Variants in CCDC127 observed in about 807,000 individuals in gnomAD.
CCDC127 encodes coiled-coil domain-containing protein 127.
In CCDC127, 2 loss-of-function variants were observed where a neutral mutation model predicts 4.1. The ratio of observed to expected loss-of-function variants is 0.49; its 90% CI spans 0.20 to 1.53. CCDC127 has a LOEUF of 1.53. CCDC127 is among the 40% of genes most tolerant of loss of function. CCDC127 has a pLI of 0.23. For missense variants in CCDC127, 271 were observed against 322.9 expected (o/e 0.84, Z 1.23); for synonymous variants, 98 against 120.4 (o/e 0.81, Z 1.22).
chr5:208,520 G>A (rs1045781719), intron 2 of CCDC127, among the ~76,000 whole-genome samples: 8 of 152,246 alleles, frequency 5.3e-5, no homozygotes, highest in Admixed American at 1.3e-4. Flanking sequence ...ACCCACATGG[G>A]CAAAGGCTGG....
rs538673619 is a variant in CCDC127 at position 205,163 on chromosome 5, A to G, written c.*134T>C. 2.7e-4 allele frequency: 199 copies of G among 749,302 alleles called. 1 individual carries two copies. The East Asian group carries it at 4.4e-3, about 17-fold the overall frequency. The allele number at this position is 749,302 out of a possible 1,614,324, so 46.4% of individuals were successfully genotyped here. A position where few individuals can be genotyped will look rare whatever the true frequency, so the allele number is the denominator to read the frequency against. On this transcript the variant is annotated 3_prime_UTR_variant, in exon 3 of 3. Transcript: ENST00000296824. ...GCACTTCTGCTCAGACGGTGGCGGG[A>G]GTGGAGGTCGCTGCTGAAGGGTGAC... is the stretch of plus-strand genomic sequence containing the variant.
At chr5:208,957 G>A (rs1015151373) in intron 2 of CCDC127, among the ~76,000 whole-genome samples, 2 of 150,744 alleles carry the variant, frequency 1.3e-5, no homozygotes, top group African/African-American at 5.0e-5. Context: ...CATCTGACAA[G>A]GACTTCAGAG....
In CCDC127 at chr5:203,246, A is replaced by C. The variant is rs1734105795; in HGVS notation, c.*2051T>G. Reference sequence around the variant, plus strand: ...GAGATTCCCTCTCAAAAAAAATAAAAAATGAAAATAAAAGTGACTTTTTCT... The same window carrying C: ...GAGATTCCCTCTCAAAAAAAATAAACAATGAAAATAAAAGTGACTTTTTCT... On this transcript the variant is annotated 3_prime_UTR_variant, in exon 3 of 3. Coordinates refer to ENST00000296824, the MANE Select transcript of CCDC127 (RefSeq NM_145265.3). 1 of 152,030 alleles carries C rather than the reference A, an allele frequency of 6.6e-6. No homozygotes were observed. Among genetic ancestry groups the C allele is most frequent in the South Asian group, 2.1e-4 (1 of 4,826 alleles). The allele number at this position is 152,030 out of a possible 1,614,324, so 9.4% of individuals were successfully genotyped here.
At chr5:210,367 GGA>G (rs1163468834) in intron 2 of CCDC127, among the ~76,000 whole-genome samples, 1 of 152,126 alleles carries the variant, frequency 6.6e-6, no homozygotes, top group Non-Finnish European at 1.5e-5. Flanking sequence ...CTACAGACTG[GGA>G]GAGGATACTT....
intron 2 of CCDC127, among the ~76,000 whole-genome samples, chr5:210,305 A>C (rs1163930192): frequency 6.6e-6 from 1 of 152,222 alleles, no homozygotes; most frequent in Non-Finnish European, 1.5e-5. Context: ...CCTTCATCAA[A>C]ATTACAACTT....
Position 205,587 on chromosome 5 carries a change from C to T in CCDC127, c.493G>A (p.Val165Ile), listed in dbSNP as rs769960981. ...ARLLLKEFEA[V>I]LTERQNIYCS... ...TAGATATTCTGTCTTTCTGTGAGAA[C>T]AGCTTCAAATTCTTTCAGCAAAAGC... The change falls in exon 3 of 3, where the codon GTT becomes ATT. Residue 165 changes from valine (V) to isoleucine (I), a missense_variant. Val to Ile is a conservative substitution (Grantham distance 29). Coordinates refer to ENST00000296824, the MANE Select transcript of CCDC127 (RefSeq NM_145265.3). 73 of 1,614,138 alleles carry T rather than the reference C, an allele frequency of 4.5e-5. No homozygotes were observed. Among genetic ancestry groups the T allele is most frequent in the Non-Finnish European group, 6.1e-5 (72 of 1,180,060 alleles).
rs1346985593 is a variant in CCDC127, at chr5:201,049, C to A, written c.*4248G>T. 2.0e-5 allele frequency: 3 copies of A among 148,018 alleles called. No individual in the cohort carries two copies. Among genetic ancestry groups the A allele is most frequent in the African/African-American group, 7.5e-5 (3 of 39,812 alleles). The allele number at this position is 148,018 out of a possible 1,614,324, so 9.2% of individuals were successfully genotyped here. ...GTCTACACAGCAGGCTGCCCCCCAT[C>A]ACAGCCAGCCAGTGTCTACACAGCA... On this transcript the variant is annotated 3_prime_UTR_variant, in exon 3 of 3. Transcript: ENST00000296824.
In CCDC127 at chr5:200,008, C is replaced by T. The variant is rs1195502598; in HGVS notation, c.*5289G>A. 2 of 152,254 alleles carry T rather than the reference C, an allele frequency of 1.3e-5. No homozygotes were observed. The highest frequency in any genetic ancestry group is 1.3e-4 in the Admixed American group (2 of 15,280). The allele number at this position is 152,254 out of a possible 1,614,324, so 9.4% of individuals were successfully genotyped here. On this transcript the variant is annotated 3_prime_UTR_variant, in exon 3 of 3. Coordinates refer to ENST00000296824, the MANE Select transcript of CCDC127 (RefSeq NM_145265.3). ...CAGATTCCCAGGTGAGGGAGATCTG[C>T]TTTCCCCATGGGGTTGGGGCGGCCA...
rs1480973264 is a variant in CCDC127 at position 197,294 on chromosome 5, C to G, written c.*8003G>C. On this transcript the variant is annotated 3_prime_UTR_variant, in exon 3 of 3. Coordinates refer to ENST00000296824, the MANE Select transcript of CCDC127 (RefSeq NM_145265.3). ...GGCGAGCAGGAGACAGTGGACTTCT[C>G]TCTCTCAACTGCAAGAGGCTTTCGT... 6.6e-6 allele frequency: 1 copy of G among 152,200 alleles called. No individual in the cohort carries two copies. Among genetic ancestry groups the G allele is most frequent in the Non-Finnish European group, 1.5e-5 (1 of 68,050 alleles). 9.4% of individuals were successfully genotyped at this position (152,200 alleles called of 1,614,324 possible).
Position 200,602 on chromosome 5 carries a change from CT to C in CCDC127, c.*4694del, listed in dbSNP as rs1734057219. On this transcript the variant is annotated 3_prime_UTR_variant, in exon 3 of 3. Coordinates refer to ENST00000296824, the MANE Select transcript of CCDC127 (RefSeq NM_145265.3). The stretch of plus-strand genomic sequence containing the variant: ...TTCTGGTTCTTCTCTGACATCTAAC[CT>C]GTGTTCTCCATTCTTGACCTGAAGT... 6.6e-6 allele frequency: 1 copy of C among 152,320 alleles called. No individual in the cohort carries two copies. Among genetic ancestry groups the C allele is most frequent in the African/African-American group, 2.4e-5 (1 of 41,456 alleles). The allele number at this position is 152,320 out of a possible 1,614,324, so 9.4% of individuals were successfully genotyped here. A position where few individuals can be genotyped will look rare whatever the true frequency, so the allele number is the denominator to read the frequency against.
chr5:210,259 A>T (rs1734255033), intron 2 of CCDC127, among the ~76,000 whole-genome samples: 1 of 152,218 alleles, frequency 6.6e-6, no homozygotes, highest in Non-Finnish European at 1.5e-5. Context: ...TTTCCACAAA[A>T]AGCATGGTTC....
chr5:205,319 T>A lies in CCDC127; in HGVS notation c.761A>T (p.Glu254Val), dbSNP rs759839802. 1 of 1,610,940 alleles carries A rather than the reference T, an allele frequency of 6.2e-7. No individual in the cohort carries two copies. Among genetic ancestry groups the A allele is most frequent in the African/African-American group, 1.3e-5 (1 of 74,974 alleles). The stretch of plus-strand genomic sequence containing the variant: ...GTCTTACTTTTCTAGTATGGCTTCC[T>A]CTACTCTCTTAAACTTCTTCAGTTC... ...VVELKKFKRV[E>V]EAILEK is the part of the protein sequence containing the mutation. The change falls in exon 3 of 3, where the codon GAG (glutamate) becomes GTG (valine). Residue 254 changes from glutamate (E) to valine (V), a missense_variant. By Grantham distance (121) the Glu-to-Val change is moderately radical. Transcript: ENST00000296824.
At position 205,521 on chromosome 5, in the gene CCDC127, C is replaced by T; in HGVS notation, c.559G>A (p.Glu187Lys). ...FLPRSKRLEIEKSLLVRASVD... is the reference protein window; with the variant it reads ...FLPRSKRLEIKKSLLVRASVD... ...GACGCTCGCACCAGTAAGCTCTTCT[C>T]TATCTCCAGCCGCTTGCTGCGAGGA... Residue 187 changes from glutamate to lysine, a missense_variant, in exon 3 of 3, where the codon GAG becomes AAG. By Grantham distance (56) the Glu-to-Lys change is moderately conservative. This residue lies in a region of CCDC127 where 265 missense variants were observed against 270.9 expected (regional missense o/e 0.98). Coordinates refer to ENST00000296824, the MANE Select transcript of CCDC127 (RefSeq NM_145265.3). The T allele has an allele frequency of 6.2e-7, 1 of 1,613,988 alleles. No individual in the cohort carries two copies. Among genetic ancestry groups the T allele is most frequent in the African/African-American group, 1.3e-5 (1 of 75,060 alleles).
Position 197,357 on chromosome 5 carries a change from T to C in CCDC127, c.*7940A>G, listed in dbSNP as rs1317334029. 1 of 152,202 alleles carries C rather than the reference T, an allele frequency of 6.6e-6. No individual in the cohort carries two copies. The allele number at this position is 152,202 out of a possible 1,614,324, so 9.4% of individuals were successfully genotyped here. On this transcript the variant is annotated 3_prime_UTR_variant, in exon 3 of 3. Coordinates refer to ENST00000296824, the MANE Select transcript of CCDC127 (RefSeq NM_145265.3). ...CATGTCAGCACAGACCCTTTACGGGTGTCGGGCTGGGGGACGGTCAGGTCT... is the reference window on the plus strand; with the variant it reads ...CATGTCAGCACAGACCCTTTACGGGCGTCGGGCTGGGGGACGGTCAGGTCT...
At chr5:215,006 G>A (rs957131449) in intron 2 of CCDC127, 3 of 151,320 alleles carry the variant, frequency 2.0e-5, no homozygotes, top group Non-Finnish European at 4.4e-5. Flanking sequence ...CCAGCCTGGC[G>A]ACAGGGCAAG....
intron 2 of CCDC127, among the ~76,000 whole-genome samples, chr5:207,575 G>A (rs1734200103): frequency 6.6e-6 from 1 of 152,218 alleles, no homozygotes; most frequent in African/African-American, 2.4e-5. Flanking sequence ...AGGCAGGCGA[G>A]AGCATCGGAG....
rs1304739481 is a variant in CCDC127 at position 199,667 on chromosome 5, G to GC, written c.*5629dup. The GC allele has an allele frequency of 6.6e-6, 1 of 152,478 alleles. No individual in the cohort carries two copies. The highest frequency in any genetic ancestry group is 1.5e-5 in the Non-Finnish European group (1 of 68,302). 9.4% of individuals were successfully genotyped at this position (152,478 alleles called of 1,614,324 possible). ...GAGCTATGGCACAGTGCTGTCAAGA[G>GC]CAGGGCCCCAGCACCCCTACCTCCC... On this transcript the variant is annotated 3_prime_UTR_variant, in exon 3 of 3. Transcript: ENST00000296824.
rs1221205071 is a variant in CCDC127, at chr5:202,858, C to A, written c.*2439G>T. 4 of 152,234 alleles carry A rather than the reference C, an allele frequency of 2.6e-5. No homozygotes were observed. The highest frequency in any genetic ancestry group is 9.6e-5 in the African/African-American group (4 of 41,458). 9.4% of individuals were successfully genotyped at this position (152,234 alleles called of 1,614,324 possible). A position where few individuals can be genotyped will look rare whatever the true frequency, so the allele number is the denominator to read the frequency against. On this transcript the variant is annotated 3_prime_UTR_variant, in exon 3 of 3. Transcript: ENST00000296824. ...GATTGCCGCAGGAATGGAGCCTGCA[C>A]CGCTCTTTAGGCAAGGGTCTTGATG...
intron 2 of CCDC127, among the ~76,000 whole-genome samples, chr5:213,736 C>T (rs1734322830): frequency 6.6e-6 from 1 of 152,240 alleles, no homozygotes; most frequent in Non-Finnish European, 1.5e-5. Flanking sequence ...ATCAGCTCTG[C>T]ATTGCTGGTG....
Sources: allele counts gnomAD v4.1 joint callset (sites outside exome capture counted in the v4.1 genomes callset), GRCh38; gene constraint gnomAD v4.1.1; regional missense constraint gnomAD v4.1.1; transcripts MANE v1.5; gene names NCBI Gene and HGNC (gene_info 2026-07-23, HGNC 2026-07-21).